ASXL2: variants seen among roughly 807,000 people sequenced by gnomAD.
The protein encoded by ASXL2 is putative Polycomb group protein ASXL2.
Under a neutral mutation model 122.0 loss-of-function variants are expected in ASXL2, and 23 were observed. The ratio of observed to expected loss-of-function variants is 0.19; its 90% CI spans 0.14 to 0.27. The LOEUF (loss-of-function observed/expected upper bound fraction) is 0.27. ASXL2 is among the 10% of genes least tolerant of loss of function. The probability of loss-of-function intolerance (pLI) is 1.00; values close to 1 mark genes in which losing one functional copy is unlikely to be tolerated. For missense variants in ASXL2, 1,518 were observed against 1,713.8 expected (o/e 0.89, Z 2.02); for synonymous variants, 650 against 637.0 (o/e 1.02, Z -0.31).
chr2:25,762,665 G>GAAAAAAAAAAAAAA (rs60065368), intron 8 of ASXL2, among the ~76,000 whole-genome samples: 1 of 34,266 alleles, frequency 2.9e-5, no homozygotes, highest in Non-Finnish European at 4.8e-5. Context: ...ACTCTTTCTC[G>GAAAAAAAAAAAAAA]AAAAAAAAAA....
At chr2:25,811,270 AT>A (rs2089166900) in intron 3 of ASXL2, among the ~76,000 whole-genome samples, 2 of 151,896 alleles carry the variant, frequency 1.3e-5, no homozygotes, top group African/African-American at 4.8e-5. Context: ...AAATAAATAA[AT>A]AAATAAATAA....
In ASXL2 at chr2:25,770,792, AG is replaced by A. The variant is rs1192423005; in HGVS notation, c.504+647del. Reference sequence around the variant, plus strand: ...ATTCTCTGTGTTAGTAGATTAAAAGAGAAAAATCTATGTGATCATCTCAATA... The same window carrying A: ...ATTCTCTGTGTTAGTAGATTAAAAGAAAAAATCTATGTGATCATCTCAATA... On this transcript the variant is annotated intron_variant, in intron 6 of 12. Coordinates refer to ENST00000435504, the MANE Select transcript of ASXL2 (RefSeq NM_018263.6). 2.0e-5 allele frequency among the ~76,000 whole-genome samples: 3 copies of A among 152,220 alleles called. No individual in the cohort carries two copies. The East Asian group carries it at 5.8e-4, about 29-fold the overall frequency.
Position 25,768,766 on chromosome 2 carries a change from T to C in ASXL2, c.607A>G (p.Ser203Gly), listed in dbSNP as rs1262911220. Residue 203 changes from serine to glycine, a missense_variant, in exon 7 of 13, where the codon AGT (serine) becomes GGT (glycine). Ser to Gly is a moderately conservative substitution (Grantham distance 56). Transcript: ENST00000435504. ...HLSLKTVKAA[S>G]DSVPAKPATW... ...CCAGGTTTGGCAGGTACAGAGTCAC[T>C]GGCTGCTTTGACAGTCTTTAGTGAG... 6.2e-7 allele frequency: 1 copy of C among 1,613,832 alleles called. No individual in the cohort carries two copies. The highest frequency in any genetic ancestry group is 2.2e-5 in the East Asian group (1 of 44,886).
Position 25,733,982 on chromosome 2 carries a change from T to C in ASXL2, c.*8047A>G, listed in dbSNP as rs554155027. 1.6e-4 allele frequency: 25 copies of C among 152,090 alleles called. No homozygotes were observed. Among genetic ancestry groups the C allele is most frequent in the African/African-American group, 5.8e-4 (24 of 41,484 alleles). The allele number at this position is 152,090 out of a possible 1,614,324, so 9.4% of individuals were successfully genotyped here. A position where few individuals can be genotyped will look rare whatever the true frequency, so the allele number is the denominator to read the frequency against. ...AGATTTTAAGTGAATAAGAATTACA[T>C]ACGGTAATTTCTTCCATTCCGACTT... On this transcript the variant is annotated 3_prime_UTR_variant, in exon 13 of 13. Coordinates refer to ENST00000435504, the MANE Select transcript of ASXL2 (RefSeq NM_018263.6).
chr2:25,836,376 C>T (rs2089510231), intron 2 of ASXL2, among the ~76,000 whole-genome samples: 1 of 152,060 alleles, frequency 6.6e-6, no homozygotes, highest in East Asian at 1.9e-4. Context: ...TTCAGCTTGG[C>T]AAATAATCAA....
chr2:25,803,591 A>G (rs1181733031), intron 4 of ASXL2, among the ~76,000 whole-genome samples: 2 of 152,190 alleles, frequency 1.3e-5, no homozygotes, highest in African/African-American at 4.8e-5. Context: ...GTGCTGTGGA[A>G]GACAATTTTT....
At chr2:25,810,086 T>A in intron 3 of ASXL2, 2 of 551,540 alleles carry the variant, frequency 3.6e-6, no homozygotes, top group Non-Finnish European at 3.6e-6. Context: ...CTCCTTGAGT[T>A]TATCAGTAAG....
At chr2:25,759,362 ACCTG>A in intron 9 of ASXL2, 116 bp downstream of exon 9, 1 of 1,107,440 alleles carries the variant, frequency 9.0e-7, no homozygotes, top group Non-Finnish European at 1.2e-6. Flanking sequence ...CCTTAAAAAA[ACCTG>A]CCTATTAAGA....
intron 2 of ASXL2, 60 bp from the exon 3 acceptor site, chr2:25,835,600 CT>C: frequency 4.0e-6 from 1 of 252,894 alleles, no homozygotes; most frequent in Non-Finnish European, 8.6e-6. Context: ...TTTAATTTTT[CT>C]TACAAAGCAA....
chr2:25,822,802 GT>G, intron 3 of ASXL2: 1 of 565,110 alleles, frequency 1.8e-6, no homozygotes, highest in Non-Finnish European at 3.5e-6. Context: ...TGGGAAGATG[GT>G]TCAGATGAAG....
At position 25,745,923 on chromosome 2, in the gene ASXL2, G is replaced by A. The variant is rs1215686965; in HGVS notation, c.1861-1447C>T. Among the ~76,000 whole-genome samples the A allele has an allele frequency of 3.3e-5, 5 of 151,946 alleles. No homozygotes were observed. The South Asian group carries it at 1.0e-3, about 31-fold the overall frequency. On this transcript the variant is annotated intron_variant, in intron 12 of 12. Transcript: ENST00000435504. ...GGCCTCCCAAAGTGCTGGGATTACA[G>A]GCGTGAGCCACCACGCCTGGCTGAA... is the stretch of plus-strand genomic sequence containing the variant.
At chr2:25,782,631 G>T (rs551340590) in intron 5 of ASXL2, among the ~76,000 whole-genome samples, 1 of 152,224 alleles carries the variant, frequency 6.6e-6, no homozygotes, top group Non-Finnish European at 1.5e-5. Flanking sequence ...GACTCATTCT[G>T]GCTAAAGGAT....
At chr2:25,802,189 A>G (rs1249797457) in intron 4 of ASXL2, among the ~76,000 whole-genome samples, 1 of 152,210 alleles carries the variant, frequency 6.6e-6, no homozygotes, top group Non-Finnish European at 1.5e-5. Flanking sequence ...GTTAACAACA[A>G]CAAAAAACGG....
chr2:25,740,993 G>C lies in ASXL2; in HGVS notation c.*1036C>G. The C allele has an allele frequency of 5.2e-6, 1 of 193,002 alleles. No homozygotes were observed. The allele number at this position is 193,002 out of a possible 1,614,324, so 12.0% of individuals were successfully genotyped here. On this transcript the variant is annotated 3_prime_UTR_variant, in exon 13 of 13. Transcript: ENST00000435504. Reference sequence around the variant, plus strand: ...ATCTAGCACTAGGTTAACAGGTTGGGAGAGAAGAGGAAAAGAGAAGCGACC... The same window carrying C: ...ATCTAGCACTAGGTTAACAGGTTGGCAGAGAAGAGGAAAAGAGAAGCGACC...
At chr2:25,783,403 T>C (rs1437584471) in intron 5 of ASXL2, among the ~76,000 whole-genome samples, 1 of 150,850 alleles carries the variant, frequency 6.6e-6, no homozygotes, top group African/African-American at 2.5e-5. Context: ...GTTTTTTCCT[T>C]TAAAAAAAAA....
At chr2:25,842,069 G>A (rs372261898) in intron 2 of ASXL2, among the ~76,000 whole-genome samples, 22 of 149,810 alleles carry the variant, frequency 1.5e-4, no homozygotes, top group East Asian at 5.9e-4. Context: ...CTGAGATCGC[G>A]CCACTGCACT....
intron 10 of ASXL2, among the ~76,000 whole-genome samples, chr2:25,755,281 AATC>A (rs536469625): frequency 6.6e-6 from 1 of 152,316 alleles, no homozygotes; most frequent in South Asian, 2.1e-4. Flanking sequence ...ATAAAAACAA[AATC>A]ATTGACACTG....
At chr2:25,790,041 T>C (rs72853456) in intron 5 of ASXL2, among the ~76,000 whole-genome samples, 3,848 of 152,262 alleles carry the variant, frequency 0.025, 176 homozygotes, top group African/African-American at 0.088. Context: ...TCATTTCATA[T>C]AGTTTCTCCT....
Position 25,742,912 on chromosome 2 carries a change from T to C in ASXL2, c.3425A>G (p.His1142Arg). The change falls in exon 13 of 13, where the codon CAT becomes CGT. Residue 1142 changes from histidine to arginine, a missense_variant. Transcript: ENST00000435504. ...AAAACGATCTTCAGGGTTTACAGAA[T>C]GGGTCCTCCTAAAGCTCTCTGAGCC... is the stretch of plus-strand genomic sequence containing the variant. ...GRGSESFRRT[H>R]SVNPEDRFCL... 2 of 1,613,986 alleles carry C rather than the reference T, an allele frequency of 1.2e-6. No individual in the cohort carries two copies. Among genetic ancestry groups the C allele is most frequent in the Non-Finnish European group, 1.7e-6 (2 of 1,179,884 alleles).
Sources: allele counts gnomAD v4.1 joint callset (sites outside exome capture counted in the v4.1 genomes callset), GRCh38; gene constraint gnomAD v4.1.1; transcripts MANE v1.5; gene names NCBI Gene and HGNC (gene_info 2026-07-23, HGNC 2026-07-21).